The following RAD54L2 variants were observed in gnomAD, a reference collection of about 807,000 sequenced individuals.
RAD54L2 encodes the protein RAD54 like 2.
RAD54L2 carries 27 observed loss-of-function variants against 138.4 expected under a neutral mutation model. That is an observed-to-expected ratio of 0.20 (90% CI 0.14 to 0.27). The LOEUF is 0.27. RAD54L2 is among the 10% of genes least tolerant of loss of function. RAD54L2 has a pLI of 1.00. For synonymous variants in RAD54L2, 644 were observed against 723.2 expected, an observed-to-expected ratio of 0.89 and a Z score of 1.76; for missense variants, 1,396 against 1,890.2, an observed-to-expected ratio of 0.74 and a Z score of 4.85.
intron 3 of RAD54L2, among the ~76,000 whole-genome samples, chr3:51,600,793 C>T (rs750489107): frequency 7.9e-5 from 12 of 152,014 alleles, no homozygotes; most frequent in Non-Finnish European, 1.5e-4. Flanking sequence ...ATCGTGAAAC[C>T]CTGTCTCTAC....
rs546452716 is a variant in RAD54L2, at chr3:51,577,030, T to C, written c.-54-13337T>C. On this transcript the variant is annotated intron_variant, in intron 2 of 22. Transcript: ENST00000684192. ...CACTGCTTTAAATGTGTCCCAGAGA[T>C]TCTGGTATGTTGTGTCTTTGCTCTC... is the stretch of plus-strand genomic sequence containing the variant. 8.5e-5 allele frequency among the ~76,000 whole-genome samples: 13 copies of C among 152,346 alleles called. No individual in the cohort carries two copies. In the East Asian group the frequency reaches 1.7e-3, roughly 20 times the overall value.
chr3:51,655,997 A>T lies in RAD54L2; in HGVS notation c.3053A>T (p.Lys1018Met). ...NWQPTLKGDE[K>M]PVASVRPVQS... Reference sequence around the variant, plus strand: ...CAGCCAACTTTGAAGGGTGATGAAAAGCCTGTGGCCAGTGTTCGTCCTGTG... The same window carrying T: ...CAGCCAACTTTGAAGGGTGATGAAATGCCTGTGGCCAGTGTTCGTCCTGTG... Residue 1018 changes from lysine (K) to methionine (M), a missense_variant, in exon 20 of 23, where the codon AAG (lysine) becomes ATG (methionine). By Grantham distance (95) the Lys-to-Met change is moderately conservative (BLOSUM62 -1). Transcript: ENST00000684192. The T allele has an allele frequency of 6.2e-7, 1 of 1,605,976 alleles. No homozygotes were observed. The highest frequency in any genetic ancestry group is 8.5e-7 in the Non-Finnish European group (1 of 1,174,338).
At chr3:51,568,854 A>T (rs1699274077) in intron 2 of RAD54L2, among the ~76,000 whole-genome samples, 1 of 152,218 alleles carries the variant, frequency 6.6e-6, no homozygotes, top group Non-Finnish European at 1.5e-5. Flanking sequence ...ATATTATCAT[A>T]TGTTTTAATT....
Position 51,599,419 on chromosome 3 carries a change from G to A in RAD54L2, c.139+8860G>A, listed in dbSNP as rs1002725178. Among the ~76,000 whole-genome samples the A allele has an allele frequency of 4.6e-5, 7 of 152,006 alleles. No individual in the cohort carries two copies. The East Asian group carries it at 7.7e-4, about 17-fold the overall frequency. On this transcript the variant is annotated intron_variant, in intron 3 of 22. Coordinates refer to ENST00000684192, the MANE Select transcript of RAD54L2 (RefSeq NM_015106.4). ...AGAGAGGAGAGAAGGACTTTAAAGCGGCATAAGAAAAACTTTCAGGGGTGA... is the reference window on the plus strand; with the variant it reads ...AGAGAGGAGAGAAGGACTTTAAAGCAGCATAAGAAAAACTTTCAGGGGTGA...
At chr3:51,618,275 T>C (rs1410878080) in intron 3 of RAD54L2, among the ~76,000 whole-genome samples, 8 of 152,002 alleles carry the variant, frequency 5.3e-5, no homozygotes, top group Non-Finnish European at 7.4e-5. Context: ...CTGCACCAGA[T>C]TGTGGCCAGA....
In RAD54L2 at chr3:51,662,309, CA is replaced by C. The variant is rs1214111128; in HGVS notation, c.3410-114del. On this transcript the variant is annotated intron_variant, in intron 22 of 22. Transcript: ENST00000684192. The surrounding 1 kb of genome is among the most constrained non-coding windows in gnomAD (Gnocchi z 4.6). Reference sequence around the variant, plus strand: ...TGACTGGGTGATGTTGTTCAGACATCAAACTATTAGAATTTTGGGGACTACA... The same window carrying C: ...TGACTGGGTGATGTTGTTCAGACATCAACTATTAGAATTTTGGGGACTACA... 2 of 949,358 alleles carry C rather than the reference CA, an allele frequency of 2.1e-6. No homozygotes were observed. The highest frequency in any genetic ancestry group is 3.4e-5 in the African/African-American group (2 of 58,714). 58.8% of individuals were successfully genotyped at this position (949,358 alleles called of 1,614,324 possible).
intron 3 of RAD54L2, among the ~76,000 whole-genome samples, chr3:51,595,523 AAGTC>A (rs1699940748): frequency 6.6e-6 from 1 of 152,130 alleles, no homozygotes; most frequent in Non-Finnish European, 1.5e-5. Context: ...TTGGTACAAT[AAGTC>A]AGGCCATTGT....
intron 14 of RAD54L2, among the ~76,000 whole-genome samples, 171 bp downstream of exon 14, chr3:51,640,170 CAG>C (rs1170729588): frequency 6.6e-6 from 1 of 152,148 alleles, no homozygotes; most frequent in Non-Finnish European, 1.5e-5. Flanking sequence ...GATTTCTCCA[CAG>C]AGAACAATTT....
rs1437126771 is a variant in RAD54L2, at chr3:51,607,797, G to A, written c.139+17238G>A. On this transcript the variant is annotated intron_variant, in intron 3 of 22. Coordinates refer to ENST00000684192, the MANE Select transcript of RAD54L2 (RefSeq NM_015106.4). The stretch of plus-strand genomic sequence containing the variant: ...CCCCCCACCTCCCAGATGGGGTGGC[G>A]GCCGGGCAGAGGGGCTCCTCACCTC... 2.0e-5 allele frequency among the ~76,000 whole-genome samples: 3 copies of A among 150,260 alleles called. 1 individual carries two copies. The highest frequency in any genetic ancestry group is 4.2e-4 in the South Asian group (2 of 4,760).
chr3:51,631,817 A>G (rs1417218804), intron 7 of RAD54L2, among the ~76,000 whole-genome samples: 1 of 151,996 alleles, frequency 6.6e-6, no homozygotes, highest in East Asian at 1.9e-4. Flanking sequence ...ATTTTTTTGT[A>G]GAGACGAGGT....
At chr3:51,567,378 T>G (rs1459303342) in intron 2 of RAD54L2, among the ~76,000 whole-genome samples, 1 of 152,204 alleles carries the variant, frequency 6.6e-6, no homozygotes, top group Non-Finnish European at 1.5e-5. Context: ...ATGTACCTTT[T>G]TCATTGTGTT....
At chr3:51,642,258 T>C (rs1191366179) in intron 15 of RAD54L2, among the ~76,000 whole-genome samples, 4 of 151,642 alleles carry the variant, frequency 2.6e-5, no homozygotes, top group East Asian at 3.9e-4. Flanking sequence ...CATTCCAGGC[T>C]GAAAGATCAG....
At chr3:51,577,591 A>G (rs1401337943) in intron 2 of RAD54L2, among the ~76,000 whole-genome samples, 1 of 152,176 alleles carries the variant, frequency 6.6e-6, no homozygotes, top group African/African-American at 2.4e-5. Context: ...TCCCTTTACC[A>G]TTATGTAATG....
At chr3:51,655,775 C>T (rs1477303423) in intron 19 of RAD54L2, among the ~76,000 whole-genome samples, 196 bp from the exon 20 acceptor site, 1 of 152,250 alleles carries the variant, frequency 6.6e-6, no homozygotes, top group African/African-American at 2.4e-5. Flanking sequence ...CTTTATCCCT[C>T]TGCCTCTTTT....
chr3:51,650,859 A>G (rs895644428), intron 19 of RAD54L2, among the ~76,000 whole-genome samples: 3 of 152,230 alleles, frequency 2.0e-5, no homozygotes, highest in African/African-American at 7.2e-5. Context: ...CAACACCCTA[A>G]CATCCCAATT....
intron 2 of RAD54L2, among the ~76,000 whole-genome samples, chr3:51,560,549 G>C (rs1001664444): frequency 2.0e-5 from 3 of 151,728 alleles, no homozygotes; most frequent in Non-Finnish European, 2.9e-5. Context: ...TTTTAGTAGA[G>C]ACAGGGTTTC....
Position 51,650,491 on chromosome 3 carries a change from C to A in RAD54L2, c.3026+4010C>A, listed in dbSNP as rs191985897. 7.9e-5 allele frequency among the ~76,000 whole-genome samples: 12 copies of A among 152,358 alleles called. No individual in the cohort carries two copies. In the East Asian group the frequency reaches 2.1e-3, roughly 27 times the overall value. ...AAATCAATAGAATACACATTCTTCT[C>A]AGCACCACATTGCACTTATTCCAAA... On this transcript the variant is annotated intron_variant, in intron 19 of 22. Transcript: ENST00000684192.
chr3:51,577,275 A>G (rs1040153401), intron 2 of RAD54L2, among the ~76,000 whole-genome samples: 3 of 152,170 alleles, frequency 2.0e-5, no homozygotes, highest in Admixed American at 1.3e-4. Context: ...CTATGTGGTC[A>G]ATTTTGGAAT....
intron 4 of RAD54L2, among the ~76,000 whole-genome samples, chr3:51,628,790 A>C (rs1013717181): frequency 4.6e-5 from 7 of 151,584 alleles, no homozygotes; most frequent in African/African-American, 1.5e-4. Context: ...GTCTTGGCTC[A>C]TTGCAACCTC....
Sources: allele counts gnomAD v4.1 joint callset (sites outside exome capture counted in the v4.1 genomes callset), GRCh38; gene constraint gnomAD v4.1.1; non-coding constraint Gnocchi (gnomAD v3.1); transcripts MANE v1.5; gene names NCBI Gene and HGNC (gene_info 2026-07-23, HGNC 2026-07-21).